Variants in APOBEC3F observed in about 807,000 individuals in gnomAD.
The protein encoded by APOBEC3F is apolipoprotein B mRNA editing enzyme catalytic subunit 3F.
In APOBEC3F, 34 loss-of-function variants were observed where a neutral mutation model predicts 45.8. The observed-to-expected ratio is 0.74, with a 90% CI of 0.57 to 0.99. The LOEUF (loss-of-function observed/expected upper bound fraction) is 0.99, where lower values mean the gene tolerates loss of function less well. Ranked by LOEUF, APOBEC3F falls within the 50% of genes least tolerant of loss-of-function variation. APOBEC3F has a pLI of 0.00. For missense variants in APOBEC3F, 459 were observed against 474.1 expected (o/e 0.97, Z 0.30); for synonymous variants, 192 against 174.4 (o/e 1.10, Z -0.80).
chr22:39,044,314 G>T (rs1325648764), intron 2 of APOBEC3F: 25 of 1,448,208 alleles, frequency 1.7e-5, no homozygotes, highest in Non-Finnish European at 2.3e-5. Flanking sequence ...ACAGGGCTGG[G>T]AAAACTTCCA....
In APOBEC3F at chr22:39,055,938, G is replaced by A. The variant is rs973207855; in HGVS notation, c.*3243G>A. The stretch of plus-strand genomic sequence containing the variant: ...AATCTTCAGATGCAAGTCTGTCAAC[G>A]CTCCCAGCTGATTAAAGCCTCTTCC... On this transcript the variant is annotated 3_prime_UTR_variant, in exon 7 of 7. Coordinates refer to ENST00000308521, the MANE Select transcript of APOBEC3F (RefSeq NM_145298.6). Among the ~76,000 whole-genome samples the A allele has an allele frequency of 5.3e-5, 8 of 152,162 alleles. No individual in the cohort carries two copies. The highest frequency in any genetic ancestry group is 1.2e-4 in the African/African-American group (5 of 41,420).
At position 39,045,510 on chromosome 22, in the gene APOBEC3F, A is replaced by T; in HGVS notation, c.534A>T (p.Ala178=). 6.2e-7 allele frequency: 1 copy of T among 1,614,160 alleles called. No individual in the cohort carries two copies. The highest frequency in any genetic ancestry group is 8.5e-7 in the Non-Finnish European group (1 of 1,180,018). The stretch of plus-strand genomic sequence containing the variant: ...GGTACAAATTCGATGACAATTATGC[A>T]TTCCTGCACCGCACGCTAAAGGAGA... ...MPWYKFDDNY[A]FLHRTLKEIL... Residue 178 remains alanine, a synonymous_variant, in exon 4 of 7, where the codon GCA becomes GCT. Coordinates refer to ENST00000308521, the MANE Select transcript of APOBEC3F (RefSeq NM_145298.6).
intron 5 of APOBEC3F, among the ~76,000 whole-genome samples, chr22:39,050,634 C>T (rs1347746501): frequency 1.3e-5 from 2 of 151,754 alleles, no homozygotes; most frequent in East Asian, 3.9e-4. Flanking sequence ...TATAAAATGC[C>T]TCATGAGAGA....
At chr22:39,044,242 A>G in intron 2 of APOBEC3F, 1 of 1,593,610 alleles carries the variant, frequency 6.3e-7, no homozygotes, top group Non-Finnish European at 8.5e-7. Flanking sequence ...GCAGGGGCTG[A>G]GGATGCCTGG....
Position 39,045,509 on chromosome 22 carries a change from C to G in APOBEC3F, c.533C>G (p.Ala178Gly). 1 of 1,614,160 alleles carries G rather than the reference C, an allele frequency of 6.2e-7. No individual in the cohort carries two copies. The highest frequency in any genetic ancestry group is 8.5e-7 in the Non-Finnish European group (1 of 1,180,010). The change falls in exon 4 of 7, where the codon GCA becomes GGA. Residue 178 changes from alanine to glycine, a missense_variant. Ala to Gly is a moderately conservative substitution (Grantham distance 60). Coordinates refer to ENST00000308521, the MANE Select transcript of APOBEC3F (RefSeq NM_145298.6). ...TGGTACAAATTCGATGACAATTATG[C>G]ATTCCTGCACCGCACGCTAAAGGAG... ...MPWYKFDDNYAFLHRTLKEIL... is the reference protein window; with the variant it reads ...MPWYKFDDNYGFLHRTLKEIL...
At chr22:39,052,010 C>T in intron 5 of APOBEC3F, 64 bp from the exon 6 acceptor site, 1 of 1,591,878 alleles carries the variant, frequency 6.3e-7, no homozygotes, top group South Asian at 1.1e-5. Flanking sequence ...TCCCATCGCC[C>T]CACCCCTGCA....
At position 39,043,102 on chromosome 22, in the gene APOBEC3F, A is replaced by C; in HGVS notation, c.171+12A>C. On this transcript the variant is annotated intron_variant, in intron 2 of 6. Coordinates refer to ENST00000308521, the MANE Select transcript of APOBEC3F (RefSeq NM_145298.6). ...TCTTTCGAGGCCAGGTACCACCCGG[A>C]CTTCAATCACTTTGCAGGCAGGAGC... is the stretch of plus-strand genomic sequence containing the variant. 2.5e-6 allele frequency: 4 copies of C among 1,613,874 alleles called. No homozygotes were observed. The highest frequency in any genetic ancestry group is 3.4e-6 in the Non-Finnish European group (4 of 1,179,872).
At position 39,050,278 on chromosome 22, in the gene APOBEC3F, C is replaced by T. The variant is rs374384816; in HGVS notation, c.723+697C>T. Among the ~76,000 whole-genome samples, 190 of 151,826 alleles carry T rather than the reference C, an allele frequency of 1.3e-3. 4 individuals are homozygous for T. In the East Asian group the frequency reaches 0.033, roughly 27 times the overall value. ...CGCCCCCGCCACTGCCCTGATTCCTCGATGTCAAGGACACATCCTCACAGG... is the reference window on the plus strand; with the variant it reads ...CGCCCCCGCCACTGCCCTGATTCCTTGATGTCAAGGACACATCCTCACAGG... On this transcript the variant is annotated intron_variant, in intron 5 of 6. Coordinates refer to ENST00000308521, the MANE Select transcript of APOBEC3F (RefSeq NM_145298.6).
chr22:39,041,125 C>T, intron 1 of APOBEC3F, 148 bp downstream of exon 1: 1 of 1,420,298 alleles, frequency 7.0e-7, no homozygotes, highest in Non-Finnish European at 9.5e-7. Context: ...CACTCCCAGC[C>T]AGGCTCTTTT....
chr22:39,052,364 G>A lies in APOBEC3F; in HGVS notation c.1003+11G>A, dbSNP rs770068150. The A allele has an allele frequency of 1.9e-6, 3 of 1,613,304 alleles. No individual in the cohort carries two copies. The South Asian group carries it at 3.3e-5, about 18-fold the overall frequency. ...TCATGGGCTACAAAGGTGAGACGTTGGGGGGCTGAGGAGAGTGGGTGCGGG... is the reference window on the plus strand; with the variant it reads ...TCATGGGCTACAAAGGTGAGACGTTAGGGGGCTGAGGAGAGTGGGTGCGGG... On this transcript the variant is annotated intron_variant, in intron 6 of 6. Coordinates refer to ENST00000308521, the MANE Select transcript of APOBEC3F (RefSeq NM_145298.6).
Position 39,043,010 on chromosome 22 carries a change from A to G in APOBEC3F, c.91A>G (p.Asn31Asp). Residue 31 changes from asparagine (N) to aspartate (D), a missense_variant, in exon 2 of 7, where the codon AAT becomes GAT. Physicochemically the swap from Asn to Asp is conservative, Grantham distance 23 (BLOSUM62 1). Transcript: ENST00000308521. ...FYNRPILSRR[N>D]TVWLCYEVKT... is the part of the protein sequence containing the mutation. ...TAATAGACCCATCCTTTCTCGTCGGAATACCGTCTGGCTGTGCTACGAAGT... is the reference window on the plus strand; with the variant it reads ...TAATAGACCCATCCTTTCTCGTCGGGATACCGTCTGGCTGTGCTACGAAGT... The G allele has an allele frequency of 6.2e-6, 10 of 1,614,172 alleles. No individual in the cohort carries two copies. Among genetic ancestry groups the G allele is most frequent in the Non-Finnish European group, 8.5e-6 (10 of 1,180,040 alleles).
At chr22:39,041,386 C>G (rs529382090) in intron 1 of APOBEC3F, among the ~76,000 whole-genome samples, 13 of 152,276 alleles carry the variant, frequency 8.5e-5, no homozygotes, top group East Asian at 3.9e-4. Context: ...TTTTCTGTAA[C>G]ATTTACTTTG....
At chr22:39,045,665 C>T (rs1927182213) in intron 4 of APOBEC3F, 123 bp downstream of exon 4, 2 of 1,523,612 alleles carry the variant, frequency 1.3e-6, no homozygotes, top group Admixed American at 3.7e-5. Flanking sequence ...CATGGTTACA[C>T]CCCTCACCCA....
intron 5 of APOBEC3F, among the ~76,000 whole-genome samples, chr22:39,051,589 A>T (rs1051506394): frequency 2.0e-5 from 3 of 151,954 alleles, no homozygotes; most frequent in African/African-American, 7.2e-5. Context: ...AGCAAGGAGA[A>T]GGATGGAAGA....
Position 39,054,233 on chromosome 22 carries a change from TTTTTA to T in APOBEC3F, c.*1548_*1552del, listed in dbSNP as rs1280690718. ...CATCATGTTTCCCAGGCTGGTCTTA[TTTTTA>T]TTTTATTTTTTGAGATGGAGTCTTG... On this transcript the variant is annotated 3_prime_UTR_variant, in exon 7 of 7. Transcript: ENST00000308521. 1.3e-5 allele frequency among the ~76,000 whole-genome samples: 2 copies of T among 151,764 alleles called. No homozygotes were observed. The highest frequency in any genetic ancestry group is 2.9e-5 in the Non-Finnish European group (2 of 67,890).
chr22:39,052,417 T>C lies in APOBEC3F; in HGVS notation c.1003+64T>C, dbSNP rs1402154427. ...GGACAGCATGAGGGGCAGGTGTGTC[T>C]GCAATGCCGTGGGGCGGGGCAGTGT... On this transcript the variant is annotated intron_variant, in intron 6 of 6. Transcript: ENST00000308521. 4 of 1,595,410 alleles carry C rather than the reference T, an allele frequency of 2.5e-6. No homozygotes were observed. The East Asian group carries it at 6.7e-5, about 27-fold the overall frequency.
rs770811689 is a variant in APOBEC3F at position 39,054,708 on chromosome 22, C to T, written c.*2013C>T. Reference sequence around the variant, plus strand: ...CGGACTGCGTGTATGTCCCAAATTACAATTCTTTCTTTGCAAATGAAATGT... The same window carrying T: ...CGGACTGCGTGTATGTCCCAAATTATAATTCTTTCTTTGCAAATGAAATGT... On this transcript the variant is annotated 3_prime_UTR_variant, in exon 7 of 7. Coordinates refer to ENST00000308521, the MANE Select transcript of APOBEC3F (RefSeq NM_145298.6). Among the ~76,000 whole-genome samples, 1 of 152,236 alleles carries T rather than the reference C, an allele frequency of 6.6e-6. No homozygotes were observed. The highest frequency in any genetic ancestry group is 2.4e-5 in the African/African-American group (1 of 41,456).
At chr22:39,050,422 A>G (rs1927432106) in intron 5 of APOBEC3F, among the ~76,000 whole-genome samples, 2 of 145,118 alleles carry the variant, frequency 1.4e-5, no homozygotes, top group Non-Finnish European at 1.5e-5. Context: ...ATTTTTTCAG[A>G]GTGTGTTTGG....
rs540749805 is a variant in APOBEC3F, at chr22:39,055,665, C to T, written c.*2970C>T. Among the ~76,000 whole-genome samples, 41 of 152,130 alleles carry T rather than the reference C, an allele frequency of 2.7e-4. No individual in the cohort carries two copies. Among genetic ancestry groups the T allele is most frequent in the Admixed American group, 2.2e-3 (33 of 15,268 alleles). Reference sequence around the variant, plus strand: ...TAAGATCAATGGCCAGACTGTTTGGCGCTGCTACCTGGGCCTGGTAGTTAA... The same window carrying T: ...TAAGATCAATGGCCAGACTGTTTGGTGCTGCTACCTGGGCCTGGTAGTTAA... On this transcript the variant is annotated 3_prime_UTR_variant, in exon 7 of 7. Transcript: ENST00000308521.
Sources: allele counts gnomAD v4.1 joint callset (sites outside exome capture counted in the v4.1 genomes callset), GRCh38; gene constraint gnomAD v4.1.1; transcripts MANE v1.5; gene names NCBI Gene and HGNC (gene_info 2026-07-23, HGNC 2026-07-21).